The following SPAG16 variants were observed in gnomAD, a reference collection of about 807,000 sequenced individuals.
The protein encoded by SPAG16 is sperm-associated antigen 16 protein.
SPAG16 carries 86 observed loss-of-function variants against 80.4 expected under a neutral mutation model. The observed-to-expected ratio is 1.07, with a 90% confidence interval of 0.90 to 1.28. The LOEUF is 1.28. SPAG16 is among the 50% of genes most tolerant of loss of function. The probability of loss-of-function intolerance (pLI) is 0.00; values close to 1 mark genes in which losing one functional copy is unlikely to be tolerated. For synonymous variants in SPAG16, 294 were observed against 265.9 expected (o/e 1.11, Z -1.03); for missense variants, 870 against 765.3 (o/e 1.14, Z -1.61).
intron 10 of SPAG16, among the ~76,000 whole-genome samples, chr2:213,702,638 T>A (rs995329659): frequency 6.6e-6 from 1 of 152,226 alleles, no homozygotes; most frequent in African/African-American, 2.4e-5. Context: ...TATTTCATCA[T>A]ATGATACTTC....
chr2:213,304,820 T>C (rs1472705596), intron 3 of SPAG16, among the ~76,000 whole-genome samples: 1 of 152,166 alleles, frequency 6.6e-6, no homozygotes, highest in Admixed American at 6.6e-5. Flanking sequence ...TCGTGCAGTT[T>C]CCTTCTTGTT....
At chr2:214,225,709 C>A (rs1485191110) in intron 15 of SPAG16, among the ~76,000 whole-genome samples, 1 of 152,018 alleles carries the variant, frequency 6.6e-6, no homozygotes, top group African/African-American at 2.4e-5. Context: ...GTTGTGTGTC[C>A]AATCTATGTG....
intron 14 of SPAG16, among the ~76,000 whole-genome samples, chr2:214,126,074 T>G (rs2054480922): frequency 7.2e-6 from 1 of 139,544 alleles, no homozygotes. Flanking sequence ...TTTTTTTTTT[T>G]TTTTTTTTGG....
At chr2:214,146,233 A>G (rs1406599342) in intron 14 of SPAG16, among the ~76,000 whole-genome samples, 1 of 152,136 alleles carries the variant, frequency 6.6e-6, no homozygotes, top group African/African-American at 2.4e-5. Context: ...ACATCTCTCC[A>G]TCTCCACATC....
In SPAG16 at chr2:213,607,496, A is replaced by AT. The variant is rs1476061564; in HGVS notation, c.1070+117410dup. Among the ~76,000 whole-genome samples, 5 of 152,342 alleles carry AT rather than the reference A, an allele frequency of 3.3e-5. No homozygotes were observed. In the East Asian group the frequency reaches 7.7e-4, roughly 24 times the overall value. On this transcript the variant is annotated intron_variant, in intron 10 of 15. Coordinates refer to ENST00000331683, the MANE Select transcript of SPAG16 (RefSeq NM_024532.5). Reference sequence around the variant, plus strand: ...TCACAGCACCTGTGTTAGTAAGAACATTTTAAAATTTTCTCATGCACTGTT... The same window carrying AT: ...TCACAGCACCTGTGTTAGTAAGAACATTTTTAAAATTTTCTCATGCACTGTT...
intron 7 of SPAG16, among the ~76,000 whole-genome samples, chr2:213,355,811 C>A (rs2065615818): frequency 6.6e-6 from 1 of 152,176 alleles, no homozygotes; most frequent in African/African-American, 2.4e-5. Flanking sequence ...CATCTGCACG[C>A]AGGGACAATT....
At chr2:213,393,544 G>T (rs964211129) in intron 9 of SPAG16, among the ~76,000 whole-genome samples, 1 of 152,100 alleles carries the variant, frequency 6.6e-6, no homozygotes, top group African/African-American at 2.4e-5. Context: ...TTGTTACAAT[G>T]TTCAGTTGGT....
chr2:213,902,349 A>T (rs2077253692), intron 11 of SPAG16, among the ~76,000 whole-genome samples: 1 of 152,196 alleles, frequency 6.6e-6, no homozygotes, highest in Admixed American at 6.5e-5. Flanking sequence ...GACTGGGAAG[A>T]AAAAGAGGTT....
chr2:213,745,975 GCTGT>G (rs1487891694), intron 10 of SPAG16, among the ~76,000 whole-genome samples: 1 of 152,126 alleles, frequency 6.6e-6, no homozygotes, highest in East Asian at 1.9e-4. Context: ...ATTGCTTCAT[GCTGT>G]TATGCTAAGA....
intron 13 of SPAG16, among the ~76,000 whole-genome samples, chr2:214,015,347 C>A (rs959165372): frequency 1.3e-5 from 2 of 152,016 alleles, no homozygotes; most frequent in Non-Finnish European, 2.9e-5. Context: ...GCCTGTAATC[C>A]CACCACTTTG....
chr2:213,716,035 A>C (rs1384244694), intron 10 of SPAG16, among the ~76,000 whole-genome samples: 1 of 152,136 alleles, frequency 6.6e-6, no homozygotes, highest in African/African-American at 2.4e-5. Flanking sequence ...GCCTATAACA[A>C]AGATTTCATG....
At chr2:214,224,606 C>T (rs1362161968) in intron 15 of SPAG16, among the ~76,000 whole-genome samples, 4 of 152,202 alleles carry the variant, frequency 2.6e-5, no homozygotes, top group Middle Eastern at 6.8e-3. Context: ...AAAGGCTGTA[C>T]AAATAATTAC....
intron 15 of SPAG16, among the ~76,000 whole-genome samples, chr2:214,277,222 A>G (rs995434671): frequency 1.3e-5 from 2 of 151,968 alleles, no homozygotes; most frequent in African/African-American, 4.8e-5. Context: ...CTTCCTTGTG[A>G]TGGGTTCAAA....
intron 10 of SPAG16, among the ~76,000 whole-genome samples, chr2:213,753,687 T>G (rs898420997): frequency 6.6e-6 from 1 of 152,144 alleles, no homozygotes; most frequent in Admixed American, 6.5e-5. Context: ...GTAATAGTAG[T>G]ATAGTCAACA....
chr2:213,367,544 T>G (rs2066379093), intron 8 of SPAG16, among the ~76,000 whole-genome samples: 1 of 152,304 alleles, frequency 6.6e-6, no homozygotes, highest in South Asian at 2.1e-4. Flanking sequence ...GCCAGTGTGA[T>G]GAGCATTTTT....
intron 10 of SPAG16, among the ~76,000 whole-genome samples, chr2:213,693,760 A>C (rs2065041960): frequency 6.6e-6 from 1 of 152,302 alleles, no homozygotes; most frequent in African/African-American, 2.4e-5. Flanking sequence ...TTTAGTGTGA[A>C]GTCAAGTAGT....
chr2:214,262,740 A>G (rs1302597865), intron 15 of SPAG16, among the ~76,000 whole-genome samples: 2 of 152,106 alleles, frequency 1.3e-5, no homozygotes, highest in Admixed American at 6.5e-5. Flanking sequence ...CTAATAAACA[A>G]TGAAATAACC....
intron 10 of SPAG16, among the ~76,000 whole-genome samples, chr2:213,793,180 G>A (rs1042184253): frequency 6.6e-6 from 1 of 151,470 alleles, no homozygotes; most frequent in African/African-American, 2.4e-5. Flanking sequence ...CACCCGCCTC[G>A]GCCTCTCAAA....
At chr2:213,942,994 T>C (rs2079275554) in intron 12 of SPAG16, among the ~76,000 whole-genome samples, 1 of 152,180 alleles carries the variant, frequency 6.6e-6, no homozygotes, top group Non-Finnish European at 1.5e-5. Context: ...TTACTTTCTT[T>C]GTTGTCCACC....
Sources: gnomAD v4.1 joint callset for allele counts (sites outside exome capture counted in the v4.1 genomes callset) on GRCh38, gnomAD v4.1.1 for gene constraint, MANE v1.5 for transcripts, NCBI Gene and HGNC (gene_info 2026-07-23, HGNC 2026-07-21) for gene names.